TSPEAR: variants seen among roughly 807,000 people sequenced by gnomAD.
TSPEAR encodes thrombospondin type laminin G domain and EAR repeats, also known as thrombospondin-type laminin G domain and EAR repeat-containing protein.
In TSPEAR, 69 loss-of-function variants were observed where a neutral mutation model predicts 71.6. That is an observed-to-expected ratio of 0.96 (90% confidence interval 0.79 to 1.18). The LOEUF is 1.18. TSPEAR is among the 50% of genes most tolerant of loss of function. The pLI is 0.00. For synonymous variants in TSPEAR, 402 were observed against 387.2 expected (o/e 1.04, Z -0.45); for missense variants, 971 against 894.9 (o/e 1.09, Z -1.09).
chr21:44,677,783 C>A lies in TSPEAR; in HGVS notation c.82+33650G>T, dbSNP rs1328842071. ...TTAGTGGACCAGACTGAGTTGATTT[C>A]TTTGGCAATGGAACATTATAAGGTG... On this transcript the variant is annotated intron_variant, in intron 1 of 11. Transcript: ENST00000323084. 5.3e-6 allele frequency: 7 copies of A among 1,315,950 alleles called. No individual in the cohort carries two copies. The African/African-American group carries it at 8.7e-5, about 16-fold the overall frequency. 81.5% of individuals were successfully genotyped at this position (1,315,950 alleles called of 1,614,324 possible).
chr21:44,508,838 G>A (rs781799311), intron 10 of TSPEAR: 213 of 1,388,514 alleles, frequency 1.5e-4, no homozygotes, highest in Non-Finnish European at 2.0e-4. Context: ...CTCGAAGCCT[G>A]CACCTCGCAC....
intron 1 of TSPEAR, among the ~76,000 whole-genome samples, chr21:44,596,022 C>T (rs1256013607): frequency 6.6e-6 from 1 of 152,088 alleles, no homozygotes; most frequent in Non-Finnish European, 1.5e-5. Flanking sequence ...GGTCAGGAGT[C>T]CAGGCACAGT....
rs1053470101 is a variant in TSPEAR at position 44,710,778 on chromosome 21, G to A, written c.82+655C>T. Among the ~76,000 whole-genome samples, 4 of 152,202 alleles carry A rather than the reference G, an allele frequency of 2.6e-5. No homozygotes were observed. Among genetic ancestry groups the A allele is most frequent in the African/African-American group, 7.2e-5 (3 of 41,446 alleles). On this transcript the variant is annotated intron_variant, in intron 1 of 11. Transcript: ENST00000323084. This position sits in a 1 kb window ranked among gnomAD's most constrained non-coding sequence, Gnocchi z 4.6. The stretch of plus-strand genomic sequence containing the variant: ...GTAGAAACTCTAGAAAAGTATTAGC[G>A]TGTCATGGTCATGAGCAAGCCAAAC...
At chr21:44,657,338 A>G (rs1353639386) in intron 1 of TSPEAR, among the ~76,000 whole-genome samples, 3 of 152,226 alleles carry the variant, frequency 2.0e-5, no homozygotes, top group African/African-American at 4.8e-5. Context: ...AGATTACTCT[A>G]TGGCAGGGTT....
intron 1 of TSPEAR, among the ~76,000 whole-genome samples, chr21:44,638,905 G>A (rs1219334458): frequency 6.6e-6 from 1 of 152,018 alleles, no homozygotes; most frequent in Non-Finnish European, 1.5e-5. Context: ...TACCCCTGGG[G>A]AGACCAGCTA....
chr21:44,679,305 T>A (rs1458345979), intron 1 of TSPEAR, among the ~76,000 whole-genome samples: 1 of 152,156 alleles, frequency 6.6e-6, no homozygotes, highest in Non-Finnish European at 1.5e-5. Context: ...CAATAGCTAT[T>A]TTAAAAATAA....
intron 1 of TSPEAR, chr21:44,574,580 C>G (rs587619253): frequency 4.6e-6 from 6 of 1,308,968 alleles, no homozygotes; most frequent in East Asian, 6.1e-5. Flanking sequence ...GTGTGCCTGT[C>G]TGCTGCAAGC....
chr21:44,539,972 GCCT>G, intron 2 of TSPEAR: 1 of 1,613,432 alleles, frequency 6.2e-7, no homozygotes, highest in African/African-American at 1.3e-5. Context: ...CTCACAGGCT[GCCT>G]GGCAGCAGGG....
At chr21:44,627,515 G>A (rs372313452) in intron 1 of TSPEAR, 42 of 1,532,546 alleles carry the variant, frequency 2.7e-5, no homozygotes, top group Non-Finnish European at 3.6e-5. Context: ...CCCGTCTGCT[G>A]TGGGGCTTCT....
At chr21:44,521,133 A>G (rs898250132) in intron 9 of TSPEAR, among the ~76,000 whole-genome samples, 1 of 152,202 alleles carries the variant, frequency 6.6e-6, no homozygotes, top group African/African-American at 2.4e-5. Context: ...TATGAGAGGC[A>G]CGCTTCCAGC....
intron 1 of TSPEAR, chr21:44,627,647 C>T: frequency 6.2e-7 from 1 of 1,612,984 alleles, no homozygotes; most frequent in Non-Finnish European, 8.5e-7. Flanking sequence ...TCTGAGGATT[C>T]CTATTCATGC....
intron 1 of TSPEAR, among the ~76,000 whole-genome samples, chr21:44,705,958 G>C (rs1195843484): frequency 1.3e-5 from 2 of 152,136 alleles, no homozygotes; most frequent in African/African-American, 4.8e-5. Flanking sequence ...TCCTACCAAC[G>C]TGTGATGTCT....
In TSPEAR at chr21:44,687,605, C is replaced by T. The variant is rs1457466563; in HGVS notation, c.82+23828G>A. 6.6e-6 allele frequency among the ~76,000 whole-genome samples: 1 copy of T among 152,290 alleles called. No homozygotes were observed. Among genetic ancestry groups the T allele is most frequent in the Non-Finnish European group, 1.5e-5 (1 of 68,022 alleles). On this transcript the variant is annotated intron_variant, in intron 1 of 11. Coordinates refer to ENST00000323084, the MANE Select transcript of TSPEAR (RefSeq NM_144991.3). The surrounding 1 kb of genome is among the most constrained non-coding windows in gnomAD (Gnocchi z 4.4). ...ACCAATTCATGCTTTAAAAAATTCT[C>T]AGCAGTGGCCATCTCTGGGGGATTG...
chr21:44,676,300 G>A (rs149968297), intron 1 of TSPEAR: 42 of 1,211,610 alleles, frequency 3.5e-5, no homozygotes, highest in Non-Finnish European at 4.8e-5. Context: ...AGGGATAGCT[G>A]TGGCTAAAGC....
chr21:44,632,475 C>G (rs1555935884), intron 1 of TSPEAR, among the ~76,000 whole-genome samples: 1 of 152,112 alleles, frequency 6.6e-6, no homozygotes, highest in African/African-American at 2.4e-5. Context: ...GTAGGCCTGC[C>G]CTACAAGAAA....
intron 1 of TSPEAR, among the ~76,000 whole-genome samples, chr21:44,585,545 C>A (rs1407776537): frequency 6.6e-6 from 1 of 152,146 alleles, no homozygotes; most frequent in African/African-American, 2.4e-5. Flanking sequence ...TCCCTTAGAC[C>A]TCAGGCTTTT....
rs2052197713 is a variant in TSPEAR at position 44,506,227 on chromosome 21, T to TTG, written c.1755-1348_1755-1347dup. On this transcript the variant is annotated intron_variant, in intron 10 of 11. Transcript: ENST00000323084. The surrounding 1 kb of genome is among the most constrained non-coding windows in gnomAD (Gnocchi z 4.2). ...CATCTGTGCTTGGGGATGGCTCGGT[T>TTG]TGAGGGGTCTGAGGAGCGGCTCCCC... Among the ~76,000 whole-genome samples the TTG allele has an allele frequency of 6.6e-6, 1 of 152,208 alleles. No homozygotes were observed. The highest frequency in any genetic ancestry group is 1.5e-5 in the Non-Finnish European group (1 of 68,016).
chr21:44,613,820 C>T (rs987272533), intron 1 of TSPEAR, among the ~76,000 whole-genome samples: 3 of 151,954 alleles, frequency 2.0e-5, no homozygotes, highest in Non-Finnish European at 4.4e-5. Context: ...GCCGCCCCTG[C>T]CCCTGAAATG....
chr21:44,527,558 G>A (rs2052882482), intron 6 of TSPEAR, 40 bp from the exon 7 acceptor site: 1 of 1,596,374 alleles, frequency 6.3e-7, no homozygotes, highest in African/African-American at 1.3e-5. Context: ...AGATTTCCGA[G>A]AACGGAAATC....
Sources: allele counts gnomAD v4.1 joint callset (sites outside exome capture counted in the v4.1 genomes callset), GRCh38; gene constraint gnomAD v4.1.1; non-coding constraint Gnocchi (gnomAD v3.1); transcripts MANE v1.5; gene names NCBI Gene and HGNC (gene_info 2026-07-23, HGNC 2026-07-21).